UNC13C: variants seen among roughly 807,000 people sequenced by gnomAD.
The protein encoded by UNC13C is protein unc-13 homolog C.
In UNC13C, 174 loss-of-function variants were observed where a neutral mutation model predicts 245.4. The observed-to-expected ratio is 0.71, with a 90% CI of 0.63 to 0.80. The LOEUF is 0.80. Ranked by LOEUF, UNC13C falls within the 30% of genes least tolerant of loss-of-function variation. The pLI is 0.00. For synonymous variants in UNC13C, 992 were observed against 895.1 expected, an observed-to-expected ratio of 1.11 and a Z score of -1.93; for missense variants, 2,829 against 2,602.9, an observed-to-expected ratio of 1.09 and a Z score of -1.89.
chr15:54,606,293 C>G (rs1470617684), intron 30 of UNC13C, among the ~76,000 whole-genome samples: 1 of 152,144 alleles, frequency 6.6e-6, no homozygotes, highest in Admixed American at 6.6e-5. Context: ...TATGATATGA[C>G]AAACTTTGCA....
the UNC13C span, among the ~76,000 whole-genome samples, chr15:53,967,021 A>T: frequency 6.6e-6 from 1 of 152,206 alleles, no homozygotes; most frequent in Admixed American, 6.5e-5. Context: ...CTAAAATAAT[A>T]TTGCTTCTAT....
intron 19 of UNC13C, among the ~76,000 whole-genome samples, chr15:54,493,260 C>T (rs1052260735): frequency 5.1e-4 from 77 of 152,046 alleles, no homozygotes; most frequent in African/African-American, 1.8e-3. Context: ...TTTGGAGGAA[C>T]CTAAAGCAAA....
chr15:54,136,313 T>C (rs2031729402), intron 2 of UNC13C, among the ~76,000 whole-genome samples: 1 of 152,064 alleles, frequency 6.6e-6, no homozygotes, highest in Admixed American at 6.5e-5. Context: ...AATTTTTTTT[T>C]TGTATTGTTT....
At chr15:54,168,848 G>T (rs924361520) in intron 4 of UNC13C, among the ~76,000 whole-genome samples, 2 of 152,064 alleles carry the variant, frequency 1.3e-5, no homozygotes, top group African/African-American at 4.8e-5. Context: ...ATTAAAGAGG[G>T]CATAAATGAA....
chr15:54,501,073 T>C, intron 22 of UNC13C, 95 bp downstream of exon 22: 1 of 1,288,458 alleles, frequency 7.8e-7, no homozygotes, highest in Middle Eastern at 2.7e-4. Context: ...TGTCACCCCA[T>C]CCCAGTTTAT....
intron 32 of UNC13C, among the ~76,000 whole-genome samples, chr15:54,624,989 A>T (rs1173585186): frequency 6.6e-6 from 1 of 152,178 alleles, no homozygotes; most frequent in Non-Finnish European, 1.5e-5. Flanking sequence ...TGAAAACTTG[A>T]TGTATGCTTG....
At chr15:54,137,745 A>C (rs1433041540) in intron 2 of UNC13C, among the ~76,000 whole-genome samples, 3 of 151,430 alleles carry the variant, frequency 2.0e-5, no homozygotes, top group African/African-American at 7.3e-5. Flanking sequence ...AGAGTTTGAC[A>C]ATTTTGTTTA....
chr15:54,303,182 A>G lies in UNC13C; in HGVS notation c.4268+2809A>G, dbSNP rs551912097. Among the ~76,000 whole-genome samples, 6 of 152,214 alleles carry G rather than the reference A, an allele frequency of 3.9e-5. No homozygotes were observed. The South Asian group carries it at 1.2e-3, about 32-fold the overall frequency. ...ATAGGGAGCTCACTACTTTGGAGGG[A>G]ACTTGTTTTATAATTGGTCAACCAT... On this transcript the variant is annotated intron_variant, in intron 13 of 32. Transcript: ENST00000260323.
At chr15:54,350,941 TATA>T (rs1037916639) in intron 17 of UNC13C, among the ~76,000 whole-genome samples, 94 of 152,334 alleles carry the variant, frequency 6.2e-4, no homozygotes, top group African/African-American at 2.2e-3. Context: ...GTTTGGAACA[TATA>T]ATATTTCACT....
intron 7 of UNC13C, among the ~76,000 whole-genome samples, chr15:54,246,716 A>G (rs1424187528): frequency 1.4e-5 from 2 of 147,146 alleles, no homozygotes; most frequent in Admixed American, 6.9e-5. Context: ...ACACATGGAC[A>G]CCTAGAGGGG....
At chr15:54,003,242 A>C (rs1894978512) in intron 1 of UNC13C, among the ~76,000 whole-genome samples, 1 of 152,196 alleles carries the variant, frequency 6.6e-6, no homozygotes, top group Admixed American at 6.5e-5. Flanking sequence ...AAATCAAAAC[A>C]AAACAATACC....
chr15:53,869,582 C>T, the UNC13C span, among the ~76,000 whole-genome samples: 1 of 152,028 alleles, frequency 6.6e-6, no homozygotes, highest in Non-Finnish European at 1.5e-5. Flanking sequence ...TAAATTAATT[C>T]TTACATGCGG....
At chr15:54,630,118 G>A (rs758276541), downstream of UNC13C, 52 of 152,270 alleles carry the variant, frequency 3.4e-4, 1 homozygote, top group Admixed American at 6.5e-4. Flanking sequence ...AACACACAAA[G>A]GCAAAGCTCT....
chr15:54,061,162 C>G (rs972951938), intron 2 of UNC13C, among the ~76,000 whole-genome samples: 1 of 143,090 alleles, frequency 7.0e-6, no homozygotes, highest in Non-Finnish European at 1.5e-5. Context: ...ATAAAAAAGA[C>G]AAAAAAAAAA....
chr15:53,915,475 C>T, the UNC13C span, among the ~76,000 whole-genome samples: 1 of 152,202 alleles, frequency 6.6e-6, no homozygotes, highest in South Asian at 2.1e-4. Flanking sequence ...ATTGTAGTAG[C>T]TTAGTTAATT....
intron 2 of UNC13C, among the ~76,000 whole-genome samples, chr15:54,081,000 T>C (rs544911868): frequency 6.6e-6 from 1 of 152,214 alleles, no homozygotes; most frequent in Non-Finnish European, 1.5e-5. Flanking sequence ...GGTTTTGGTA[T>C]GTTGTGTGTC....
At chr15:53,880,017 C>T in the UNC13C span, among the ~76,000 whole-genome samples, 1 of 151,740 alleles carries the variant, frequency 6.6e-6, no homozygotes, top group African/African-American at 2.4e-5. Flanking sequence ...TTAGGGAACA[C>T]TATTTATCAA....
chr15:54,627,352 A>G lies in UNC13C; in HGVS notation c.*239A>G, dbSNP rs965453204. ...TGAAATATCAAGAACACCTTTTAAC[A>G]TGTTTATTTTGTTTCTTTACCCATT... On this transcript the variant is annotated 3_prime_UTR_variant, in exon 33 of 33. Coordinates refer to ENST00000260323, the MANE Select transcript of UNC13C (RefSeq NM_001080534.3). 8.6e-6 allele frequency: 3 copies of G among 349,814 alleles called. No individual in the cohort carries two copies. The highest frequency in any genetic ancestry group is 1.0e-5 in the Non-Finnish European group (2 of 193,138). The allele number at this position is 349,814 out of a possible 1,614,324, so 21.7% of individuals were successfully genotyped here.
chr15:54,320,055 A>T (rs1270590313), intron 13 of UNC13C, among the ~76,000 whole-genome samples: 2 of 152,004 alleles, frequency 1.3e-5, no homozygotes, highest in African/African-American at 4.8e-5. Flanking sequence ...CAAAGTGCTT[A>T]GAAAAGAGAA....
Sources: gnomAD v4.1 joint callset for allele counts (sites outside exome capture counted in the v4.1 genomes callset) on GRCh38, gnomAD v4.1.1 for gene constraint, MANE v1.5 for transcripts, NCBI Gene and HGNC (gene_info 2026-07-23, HGNC 2026-07-21) for gene names.